TENM3: variants seen among roughly 807,000 people sequenced by gnomAD.
TENM3 encodes teneurin transmembrane protein 3.
TENM3 carries 63 observed loss-of-function variants against 255.1 expected under a neutral mutation model. The ratio of observed to expected loss-of-function variants is 0.25; its 90% CI spans 0.20 to 0.30. The LOEUF (loss-of-function observed/expected upper bound fraction) is 0.30, where lower values mean the gene tolerates loss of function less well. Among genes scored for constraint, TENM3 ranks in the 10% least tolerant of loss-of-function variants. TENM3 has a pLI of 1.00. For missense variants in TENM3, 2,929 were observed against 3,461.1 expected, an observed-to-expected ratio of 0.85 and a Z score of 3.86; for synonymous variants, 1,306 against 1,322.3, an observed-to-expected ratio of 0.99 and a Z score of 0.27.
At chr4:182,101,104 G>GAGGAAGGAAAGAAGGA in the TENM3 span, among the ~76,000 whole-genome samples, 3 of 11,682 alleles carry the variant, frequency 2.6e-4, no homozygotes, top group Admixed American at 8.1e-4. Flanking sequence ...GGGAGGGAGG[G>GAGGAAGGAAAGAAGGA]AGGAAGGAAA....
At chr4:182,004,075 AT>A in the TENM3 span, among the ~76,000 whole-genome samples, 2 of 152,140 alleles carry the variant, frequency 1.3e-5, no homozygotes, top group South Asian at 2.1e-4. Flanking sequence ...TGTTAAAAGT[AT>A]TTTTTTCTTT....
At chr4:182,024,126 A>G in the TENM3 span, among the ~76,000 whole-genome samples, 1 of 152,218 alleles carries the variant, frequency 6.6e-6, no homozygotes, top group Admixed American at 6.5e-5. Context: ...AACAACATTC[A>G]AAAGATTAAC....
chr4:181,735,637 T>G, the TENM3 span, among the ~76,000 whole-genome samples: 1 of 152,098 alleles, frequency 6.6e-6, no homozygotes, highest in Non-Finnish European at 1.5e-5. Flanking sequence ...CACCCAGACA[T>G]CTCTCTTATA....
At chr4:181,926,458 A>T in the TENM3 span, among the ~76,000 whole-genome samples, 1 of 152,152 alleles carries the variant, frequency 6.6e-6, no homozygotes, top group Non-Finnish European at 1.5e-5. Flanking sequence ...ACATTTCTGT[A>T]TACCAGGACA....
the TENM3 span, among the ~76,000 whole-genome samples, chr4:181,697,921 A>G: frequency 2.0e-4 from 30 of 152,250 alleles, no homozygotes; most frequent in East Asian, 5.6e-3. Context: ...AGCGCTTAAG[A>G]TAAAATGTGT....
At chr4:181,453,143 G>T in the TENM3 span, among the ~76,000 whole-genome samples, 1 of 152,148 alleles carries the variant, frequency 6.6e-6, no homozygotes, top group Non-Finnish European at 1.5e-5. Context: ...GCTGTGCAAG[G>T]AACAAAGGTA....
the TENM3 span, among the ~76,000 whole-genome samples, chr4:181,792,723 G>A: frequency 1.3e-5 from 2 of 152,074 alleles, no homozygotes; most frequent in African/African-American, 4.8e-5. Context: ...TTCCACAGCA[G>A]CAATGCAATA....
At chr4:181,548,111 C>T in the TENM3 span, among the ~76,000 whole-genome samples, 1 of 152,090 alleles carries the variant, frequency 6.6e-6, no homozygotes, top group Non-Finnish European at 1.5e-5. Context: ...TTTCCAGCTT[C>T]ATCCATCTCA....
intron 3 of TENM3, among the ~76,000 whole-genome samples, chr4:182,514,565 A>G (rs1025404777): frequency 6.6e-6 from 1 of 152,190 alleles, no homozygotes; most frequent in African/African-American, 2.4e-5. Context: ...CCGGCCCTAT[A>G]TGAAGATATG....
chr4:182,199,720 CTTTTTT>C (rs367906246), intron 1 of TENM3, among the ~76,000 whole-genome samples: 24,633 of 104,464 alleles, frequency 0.24, 2,520 homozygotes, highest in Middle Eastern at 0.37. Flanking sequence ...AACATCATTG[CTTTTTT>C]TTTTTTTTTT....
chr4:182,422,735 T>G (rs1285013321), intron 3 of TENM3, among the ~76,000 whole-genome samples: 1 of 152,226 alleles, frequency 6.6e-6, no homozygotes. Context: ...AAAAACTTTT[T>G]TTTACTGCTT....
chr4:182,283,203 T>C (rs972394076), intron 1 of TENM3, among the ~76,000 whole-genome samples: 1 of 152,230 alleles, frequency 6.6e-6, no homozygotes, highest in African/African-American at 2.4e-5. Flanking sequence ...AATAATTACA[T>C]GAATCCATTC....
chr4:182,205,944 T>C (rs563296771), intron 1 of TENM3, among the ~76,000 whole-genome samples: 59 of 152,206 alleles, frequency 3.9e-4, no homozygotes, highest in Middle Eastern at 6.8e-3. Context: ...GAACATGGAC[T>C]GCCTCTCACC....
chr4:181,846,498 G>C, the TENM3 span, among the ~76,000 whole-genome samples: 1 of 152,142 alleles, frequency 6.6e-6, no homozygotes, highest in South Asian at 2.1e-4. Context: ...TAAGAATTTT[G>C]TTTGAGTCAT....
chr4:181,981,127 C>T, the TENM3 span, among the ~76,000 whole-genome samples: 1 of 152,166 alleles, frequency 6.6e-6, no homozygotes, highest in Admixed American at 6.5e-5. Context: ...CTTCCCTCTC[C>T]TCTGCCTGTC....
At chr4:182,022,315 G>T in the TENM3 span, among the ~76,000 whole-genome samples, 95 of 152,212 alleles carry the variant, frequency 6.2e-4, no homozygotes, top group African/African-American at 2.2e-3. Context: ...ATCAAATACT[G>T]CATGTTCTCA....
At chr4:181,810,282 A>G in the TENM3 span, among the ~76,000 whole-genome samples, 1 of 152,110 alleles carries the variant, frequency 6.6e-6, no homozygotes, top group Non-Finnish European at 1.5e-5. Context: ...GTCTGCAGCC[A>G]TGAAGTGGGA....
At chr4:182,367,905 C>A (rs1016742455) in intron 3 of TENM3, among the ~76,000 whole-genome samples, 2 of 152,086 alleles carry the variant, frequency 1.3e-5, no homozygotes, top group Admixed American at 6.5e-5. Context: ...ATTTTTCCAT[C>A]TTTCATAAGT....
chr4:181,874,166 G>A, the TENM3 span, among the ~76,000 whole-genome samples: 23,997 of 151,958 alleles, frequency 0.16, 2,383 homozygotes, highest in East Asian at 0.55. Flanking sequence ...TGATCCACCC[G>A]CCTCAGCCTC....
Sources: allele counts gnomAD v4.1 joint callset (sites outside exome capture counted in the v4.1 genomes callset), GRCh38; gene constraint gnomAD v4.1.1; transcripts MANE v1.5; gene names NCBI Gene and HGNC (gene_info 2026-07-23, HGNC 2026-07-21).